SGTB: variants seen among roughly 807,000 people sequenced by gnomAD.
The protein encoded by SGTB is small glutamine rich tetratricopeptide repeat co-chaperone beta.
A neutral mutation model predicts 43.9 loss-of-function variants in SGTB; 19 were observed. The observed-to-expected ratio is 0.43, with a 90% confidence interval of 0.30 to 0.63. The LOEUF (loss-of-function observed/expected upper bound fraction) is 0.63. SGTB is among the 30% of genes least tolerant of loss of function. SGTB has a pLI of 0.12. For synonymous variants in SGTB, 116 were observed against 117.3 expected (o/e 0.99, Z 0.07); for missense variants, 304 against 358.9 (o/e 0.85, Z 1.24).
chr5:65,687,672 G>C (rs1757525298), intron 5 of SGTB, among the ~76,000 whole-genome samples: 1 of 152,190 alleles, frequency 6.6e-6, no homozygotes, highest in Non-Finnish European at 1.5e-5. Context: ...ATTCTGCCTG[G>C]TTGCTTGAAG....
chr5:65,712,939 T>G, intron 3 of SGTB, 22 bp downstream of exon 3: 4 of 1,574,034 alleles, frequency 2.5e-6, no homozygotes, highest in South Asian at 1.1e-5. Flanking sequence ...CAGTTAATAA[T>G]GAGAAAATAA....
upstream of SGTB, chr5:65,722,374 A>G: frequency 6.3e-7 from 1 of 1,582,832 alleles, no homozygotes; most frequent in Non-Finnish European, 8.6e-7. Context: ...CAGCGCTCCC[A>G]TGATCGCCCG....
intron 5 of SGTB, among the ~76,000 whole-genome samples, chr5:65,687,394 C>T (rs991297078): frequency 1.3e-5 from 2 of 152,164 alleles, no homozygotes; most frequent in African/African-American, 4.8e-5. Context: ...AGAGACCAAC[C>T]TTGAAAAGTT....
intron 5 of SGTB, among the ~76,000 whole-genome samples, chr5:65,690,151 A>C (rs1757579070): frequency 6.6e-6 from 1 of 152,208 alleles, no homozygotes; most frequent in South Asian, 2.1e-4. Flanking sequence ...AGGATGCTTA[A>C]AAAGAGCCAG....
At chr5:65,709,665 C>T (rs1758007982) in intron 3 of SGTB, among the ~76,000 whole-genome samples, 1 of 152,244 alleles carries the variant, frequency 6.6e-6, no homozygotes, top group South Asian at 2.1e-4. Flanking sequence ...GCATGAGCCA[C>T]TGCGCCCGGC....
intron 5 of SGTB, among the ~76,000 whole-genome samples, chr5:65,699,285 T>C (rs527298256): frequency 6.6e-6 from 1 of 152,328 alleles, no homozygotes; most frequent in African/African-American, 2.4e-5. Flanking sequence ...AACTCAGGAA[T>C]GGAAAACCAA....
chr5:65,712,848 T>C lies in SGTB; in HGVS notation c.204+113A>G, dbSNP rs1758068779. ...ATCCATATAGACAGACTATTTACCT[T>C]ATATACAGGATGAAGTTAATTACTC... On this transcript the variant is annotated intron_variant, in intron 3 of 10. Transcript: ENST00000381007. 4.3e-6 allele frequency: 3 copies of C among 694,498 alleles called. No homozygotes were observed. In the South Asian group the frequency reaches 5.9e-5, roughly 14 times the overall value. The allele number at this position is 694,498 out of a possible 1,614,324, so 43.0% of individuals were successfully genotyped here.
intron 5 of SGTB, among the ~76,000 whole-genome samples, chr5:65,688,726 G>C (rs966192439): frequency 6.6e-6 from 1 of 152,172 alleles, no homozygotes; most frequent in Admixed American, 6.5e-5. Context: ...CCTAGCAAAA[G>C]TTTTCAAAGA....
chr5:65,675,066 A>G (rs1757240653), intron 8 of SGTB, among the ~76,000 whole-genome samples: 1 of 152,226 alleles, frequency 6.6e-6, no homozygotes, highest in African/African-American at 2.4e-5. Context: ...CATGGATAGA[A>G]TAATTCTCAT....
intron 5 of SGTB, among the ~76,000 whole-genome samples, chr5:65,690,657 T>C (rs1348236642): frequency 6.6e-6 from 1 of 152,090 alleles, no homozygotes; most frequent in Non-Finnish European, 1.5e-5. Flanking sequence ...TCATTAAGGA[T>C]AGAGAGAGGT....
intron 5 of SGTB, among the ~76,000 whole-genome samples, chr5:65,690,758 C>T (rs978825595): frequency 3.0e-4 from 46 of 152,298 alleles, no homozygotes; most frequent in African/African-American, 9.6e-4. Flanking sequence ...GTCTCACTCT[C>T]ATCCTATAGG....
At position 65,685,235 on chromosome 5, in the gene SGTB, C is replaced by T. The variant is rs1757476042; in HGVS notation, c.479+133G>A. 33 of 685,230 alleles carry T rather than the reference C, an allele frequency of 4.8e-5. No individual in the cohort carries two copies. In the South Asian group the frequency reaches 7.6e-4, roughly 16 times the overall value. The allele number at this position is 685,230 out of a possible 1,614,324, so 42.4% of individuals were successfully genotyped here. A position where few individuals can be genotyped will look rare whatever the true frequency, so the allele number is the denominator to read the frequency against. ...TAGTCAAAGAAATTGTAGTCATTTC[C>T]TCCCTTATGTTTTATTTATCCTCTT... On this transcript the variant is annotated intron_variant, in intron 6 of 10. Transcript: ENST00000381007.
intron 6 of SGTB, among the ~76,000 whole-genome samples, chr5:65,681,403 G>A (rs1475591941): frequency 3.3e-5 from 5 of 152,090 alleles, no homozygotes; most frequent in Admixed American, 2.6e-4. Flanking sequence ...TATTTACCTA[G>A]TTATAATTTA....
chr5:65,682,821 T>C (rs1168930439), intron 6 of SGTB, among the ~76,000 whole-genome samples: 1 of 152,158 alleles, frequency 6.6e-6, no homozygotes, highest in Non-Finnish European at 1.5e-5. Flanking sequence ...CGATAATATA[T>C]ATAGTTGATT....
At chr5:65,696,380 T>C (rs770270553) in intron 5 of SGTB, among the ~76,000 whole-genome samples, 4 of 152,314 alleles carry the variant, frequency 2.6e-5, no homozygotes, top group African/African-American at 4.8e-5. Flanking sequence ...ATAAGAACAT[T>C]GTGTTTGTGT....
intron 2 of SGTB, among the ~76,000 whole-genome samples, chr5:65,713,507 A>G (rs2150723725): frequency 6.6e-6 from 1 of 152,116 alleles, no homozygotes; most frequent in African/African-American, 2.4e-5. Context: ...TTGCAGAGAC[A>G]GGGTCTTGCC....
chr5:65,692,853 AT>A (rs1207549464), intron 5 of SGTB, among the ~76,000 whole-genome samples: 1 of 152,092 alleles, frequency 6.6e-6, no homozygotes, highest in African/African-American at 2.4e-5. Context: ...CAGCAAGAAA[AT>A]TTTATGTATT....
intron 2 of SGTB, among the ~76,000 whole-genome samples, chr5:65,715,764 TTTG>T (rs553341561): frequency 1.2e-3 from 180 of 151,942 alleles, no homozygotes; most frequent in Non-Finnish European, 2.0e-3. Context: ...CTGCAGGGTT[TTTG>T]TTGTTGTTGT....
intron 4 of SGTB, among the ~76,000 whole-genome samples, chr5:65,705,334 G>A (rs955279239): frequency 4.6e-5 from 7 of 152,078 alleles, no homozygotes; most frequent in African/African-American, 1.7e-4. Flanking sequence ...CACACTTGTA[G>A]TCCCAGCTAC....
Sources: allele counts gnomAD v4.1 joint callset (sites outside exome capture counted in the v4.1 genomes callset), GRCh38; gene constraint gnomAD v4.1.1; transcripts MANE v1.5; gene names NCBI Gene and HGNC (gene_info 2026-07-23, HGNC 2026-07-21).